The following PCDH17 variants were observed in gnomAD, a reference collection of about 807,000 sequenced individuals.
The protein encoded by PCDH17 is protocadherin-17.
PCDH17 carries 21 observed loss-of-function variants against 67.7 expected under a neutral mutation model. The ratio of observed to expected loss-of-function variants is 0.31; its 90% CI spans 0.22 to 0.45. The LOEUF (loss-of-function observed/expected upper bound fraction) is 0.45, where lower values mean the gene tolerates loss of function less well. Ranked by LOEUF, PCDH17 falls within the 20% of genes least tolerant of loss-of-function variation. PCDH17 has a pLI of 1.00. For missense variants in PCDH17, 1,471 were observed against 1,564.8 expected, an observed-to-expected ratio of 0.94 and a Z score of 1.01; for synonymous variants, 701 against 656.7, an observed-to-expected ratio of 1.07 and a Z score of -1.03.
Position 57,633,497 on chromosome 13 carries a change from G to A in PCDH17, c.951G>A (p.Leu317=), listed in dbSNP as rs537631212. ...GNLDYEENGM[L]EIDVQARDLG... is the part of the protein sequence containing the mutation. ...TGGACTATGAGGAAAACGGGATGCT[G>A]GAGATTGACGTGCAGGCCCGAGACC... The change falls in exon 1 of 4, where the codon CTG becomes CTA. Residue 317 remains leucine, a synonymous_variant. Transcript: ENST00000377918. The surrounding 1 kb of genome is among the most constrained non-coding windows in gnomAD (Gnocchi z 6.2). 3.5e-5 allele frequency: 56 copies of A among 1,613,926 alleles called. No individual in the cohort carries two copies. The South Asian group carries it at 5.8e-4, about 17-fold the overall frequency.
At chr13:57,635,256 T>A (rs1461016057) in intron 1 of PCDH17, 145 bp downstream of exon 1, 1 of 733,102 alleles carries the variant, frequency 1.4e-6, no homozygotes, top group Non-Finnish European at 2.2e-6. Context: ...CTTTTGACAC[T>A]GTGTATACAT....
chr13:57,641,296 G>A (rs572735773), intron 1 of PCDH17, among the ~76,000 whole-genome samples: 1 of 151,348 alleles, frequency 6.6e-6, no homozygotes, highest in Admixed American at 6.6e-5. Flanking sequence ...TCTGGAATAA[G>A]TTATCTACAA....
At chr13:57,716,566 T>G (rs1955818250) in intron 3 of PCDH17, among the ~76,000 whole-genome samples, 1 of 151,916 alleles carries the variant, frequency 6.6e-6, no homozygotes, top group Non-Finnish European at 1.5e-5. Context: ...ACCTCTTGCA[T>G]AAAGCCTTTC....
chr13:57,669,574 G>A (rs1955295960), intron 3 of PCDH17, among the ~76,000 whole-genome samples: 1 of 151,998 alleles, frequency 6.6e-6, no homozygotes, highest in Admixed American at 6.6e-5. Context: ...TTTAGAGGAG[G>A]AGACTACAAT....
At chr13:57,721,025 T>C (rs1358717003) in intron 3 of PCDH17, among the ~76,000 whole-genome samples, 1 of 152,088 alleles carries the variant, frequency 6.6e-6, no homozygotes, top group African/African-American at 2.4e-5. Context: ...AGATTAGACA[T>C]TGTAAACTAA....
chr13:57,718,510 ATTG>A (rs1955843086), intron 3 of PCDH17, among the ~76,000 whole-genome samples: 1 of 152,044 alleles, frequency 6.6e-6, no homozygotes, highest in Non-Finnish European at 1.5e-5. Flanking sequence ...ATGAATATAG[ATTG>A]TTAAGGTACC....
intron 3 of PCDH17, among the ~76,000 whole-genome samples, chr13:57,711,750 T>A (rs1207696185): frequency 6.6e-6 from 1 of 151,332 alleles, no homozygotes; most frequent in East Asian, 1.9e-4. Context: ...ATAATCATTT[T>A]GTCTCTATGT....
intron 1 of PCDH17, among the ~76,000 whole-genome samples, chr13:57,665,522 G>A (rs1011415962): frequency 6.6e-6 from 1 of 152,104 alleles, no homozygotes; most frequent in African/African-American, 2.4e-5. Context: ...GGATAATCTT[G>A]TAGGAACCCA....
intron 3 of PCDH17, among the ~76,000 whole-genome samples, chr13:57,717,225 T>C (rs1177124356): frequency 6.6e-6 from 1 of 151,898 alleles, no homozygotes; most frequent in African/African-American, 2.4e-5. Flanking sequence ...GCAGATTAAA[T>C]TTTCAGTGTT....
At chr13:57,654,840 C>G (rs577669375) in intron 1 of PCDH17, among the ~76,000 whole-genome samples, 1 of 151,810 alleles carries the variant, frequency 6.6e-6, no homozygotes, top group Non-Finnish European at 1.5e-5. Context: ...TCATAGAAAT[C>G]TAATACTCAT....
chr13:57,709,965 A>G (rs899707241), intron 3 of PCDH17, among the ~76,000 whole-genome samples: 1 of 151,934 alleles, frequency 6.6e-6, no homozygotes, highest in African/African-American at 2.4e-5. Context: ...TTAACGGTTG[A>G]AACAAGAATC....
intron 1 of PCDH17, among the ~76,000 whole-genome samples, chr13:57,635,514 A>G (rs939458671): frequency 6.6e-6 from 1 of 152,046 alleles, no homozygotes; most frequent in Non-Finnish European, 1.5e-5. Flanking sequence ...TTTTTAAATG[A>G]TGCCAAAAAT....
At chr13:57,699,962 G>A (rs1219016789) in intron 3 of PCDH17, among the ~76,000 whole-genome samples, 1 of 151,954 alleles carries the variant, frequency 6.6e-6, no homozygotes, top group East Asian at 1.9e-4. Flanking sequence ...CTTATGAGTA[G>A]GGATATCTTA....
At chr13:57,661,327 G>GTGTT (rs771033651) in intron 1 of PCDH17, among the ~76,000 whole-genome samples, 2 of 152,172 alleles carry the variant, frequency 1.3e-5, no homozygotes, top group East Asian at 1.9e-4. Context: ...AGCCTTTCAA[G>GTGTT]TGTTTGTTTG....
At chr13:57,671,868 G>GGT (rs1217536249) in intron 3 of PCDH17, among the ~76,000 whole-genome samples, 1 of 151,970 alleles carries the variant, frequency 6.6e-6, no homozygotes, top group African/African-American at 2.4e-5. Context: ...CACCCTTTTG[G>GGT]GTGGCCGGCC....
At chr13:57,650,217 A>AG (rs1390790995) in intron 1 of PCDH17, among the ~76,000 whole-genome samples, 53 of 54,994 alleles carry the variant, frequency 9.6e-4, no homozygotes, top group Non-Finnish European at 3.1e-4. Context: ...TGGACCCTTG[A>AG]TTGTGTGTGT....
At position 57,666,690 on chromosome 13, in the gene PCDH17, C is replaced by T. The variant is rs1376403926; in HGVS notation, c.2654C>T (p.Ala885Val). The T allele has an allele frequency of 6.2e-7, 1 of 1,612,594 alleles. No individual in the cohort carries two copies. The highest frequency in any genetic ancestry group is 1.7e-5 in the Admixed American group (1 of 59,736). Residue 885 changes from alanine to valine, a missense_variant, in exon 3 of 4, where the codon GCC becomes GTC. Transcript: ENST00000377918. The stretch of plus-strand genomic sequence containing the variant: ...TCCACGTTTAAGGACCCAGAAAGAG[C>T]CAGCCTGAGAGACAGTGGGCACGGG... ...SSSTFKDPER[A>V]SLRDSGHGDS...
intron 3 of PCDH17, among the ~76,000 whole-genome samples, chr13:57,692,488 A>C (rs1955568305): frequency 6.6e-6 from 1 of 151,262 alleles, no homozygotes; most frequent in South Asian, 2.1e-4. Flanking sequence ...GACGTGCCAT[A>C]AACTAATTCA....
chr13:57,635,172 A>AG, intron 1 of PCDH17, 61 bp downstream of exon 1: 1 of 1,556,128 alleles, frequency 6.4e-7, no homozygotes, highest in Non-Finnish European at 8.7e-7. Context: ...GCTGTCCTGA[A>AG]ACCTTTGGAA....
Sources: gnomAD v4.1 joint callset for allele counts (sites outside exome capture counted in the v4.1 genomes callset) on GRCh38, gnomAD v4.1.1 for gene constraint, Gnocchi (gnomAD v3.1) non-coding constraint, MANE v1.5 for transcripts, NCBI Gene and HGNC (gene_info 2026-07-23, HGNC 2026-07-21) for gene names.